BCKDHB: variants seen among roughly 807,000 people sequenced by gnomAD.
BCKDHB encodes the protein branched chain keto acid dehydrogenase E1 subunit beta.
In BCKDHB, 41 loss-of-function variants were observed where a neutral mutation model predicts 48.5. That is an observed-to-expected ratio of 0.85 (90% CI 0.66 to 1.10). BCKDHB has a LOEUF of 1.10. Ranked by LOEUF, BCKDHB falls within the 50% of genes least tolerant of loss-of-function variation. BCKDHB has a pLI of 0.00. For missense variants in BCKDHB, 496 were observed against 494.2 expected (o/e 1.00, Z -0.03); for synonymous variants, 201 against 174.8 (o/e 1.15, Z -1.18).
At chr6:80,175,940 AG>A (rs1390703622) in intron 6 of BCKDHB, among the ~76,000 whole-genome samples, 2 of 152,300 alleles carry the variant, frequency 1.3e-5, no homozygotes, top group East Asian at 3.9e-4. Context: ...GAAATAAAGT[AG>A]GGGGGAACAA....
At chr6:80,245,120 T>C (rs1300326175) in intron 8 of BCKDHB, among the ~76,000 whole-genome samples, 1 of 152,058 alleles carries the variant, frequency 6.6e-6, no homozygotes. Context: ...TTTTAATGTA[T>C]GTAAAGTACT....
intron 8 of BCKDHB, among the ~76,000 whole-genome samples, chr6:80,210,530 C>T (rs1774874680): frequency 6.6e-6 from 1 of 151,974 alleles, no homozygotes; most frequent in Non-Finnish European, 1.5e-5. Context: ...GAAAACTGAG[C>T]CGAACACTCA....
At chr6:80,141,962 T>C (rs913751568) in intron 3 of BCKDHB, among the ~76,000 whole-genome samples, 2 of 152,062 alleles carry the variant, frequency 1.3e-5, no homozygotes, top group African/African-American at 4.8e-5. Flanking sequence ...AACCCAGACA[T>C]TTTTTTCCCT....
At chr6:80,263,288 C>T (rs576394246) in intron 8 of BCKDHB, among the ~76,000 whole-genome samples, 17 of 152,162 alleles carry the variant, frequency 1.1e-4, no homozygotes, top group East Asian at 5.8e-4. Context: ...GAATATGTTA[C>T]GGAAAAATAG....
chr6:80,122,843 G>T lies in BCKDHB; in HGVS notation c.197-4704G>T, dbSNP rs142142855. Among the ~76,000 whole-genome samples the T allele has an allele frequency of 3.3e-5, 5 of 152,202 alleles. No homozygotes were observed. The East Asian group carries it at 9.7e-4, about 29-fold the overall frequency. On this transcript the variant is annotated intron_variant, in intron 1 of 9. Transcript: ENST00000320393. ...AACCAGTCTGACCACAAATTTACCAGCTTGGAGTTTTTCCCCACCCTAATA... is the reference window on the plus strand; with the variant it reads ...AACCAGTCTGACCACAAATTTACCATCTTGGAGTTTTTCCCCACCCTAATA...
At chr6:80,418,002 C>T in the BCKDHB span, among the ~76,000 whole-genome samples, 2 of 152,036 alleles carry the variant, frequency 1.3e-5, no homozygotes, top group Non-Finnish European at 2.9e-5. Context: ...TTACATAATC[C>T]CATATATCTT....
In BCKDHB at chr6:80,273,188, C is replaced by CG. The variant is rs772386574; in HGVS notation, c.1007dup (p.Phe337LeufsTer28). Reference sequence around the variant, plus strand: ...TCAGTCACGAGGCTCCCTTGACAGGCGGCTTTGCATCGGAAATCAGCTCTA... The same window carrying CG: ...TCAGTCACGAGGCTCCCTTGACAGGCGGGCTTTGCATCGGAAATCAGCTCTA... On this transcript the variant is annotated frameshift_variant, in exon 9 of 10. Transcript: ENST00000320393. LOFTEE classifies it high-confidence loss of function. 1 of 1,613,534 alleles carries CG rather than the reference C, an allele frequency of 6.2e-7. No individual in the cohort carries two copies.
chr6:80,442,798 A>G, the BCKDHB span, among the ~76,000 whole-genome samples: 2 of 152,224 alleles, frequency 1.3e-5, no homozygotes, highest in Admixed American at 6.5e-5. Flanking sequence ...CTAAAAGGAT[A>G]TAACTTGCAG....
the BCKDHB span, among the ~76,000 whole-genome samples, chr6:80,391,250 G>A: frequency 6.6e-6 from 1 of 151,858 alleles, no homozygotes; most frequent in South Asian, 2.1e-4. Context: ...GGTGTAGTGG[G>A]TTGAATGGTG....
chr6:80,456,153 T>C, the BCKDHB span, among the ~76,000 whole-genome samples: 1 of 151,368 alleles, frequency 6.6e-6, no homozygotes, highest in Non-Finnish European at 1.5e-5. Flanking sequence ...AGGCGGAGGT[T>C]GCAGTGAGCC....
At chr6:80,404,017 G>A in the BCKDHB span, among the ~76,000 whole-genome samples, 1 of 152,064 alleles carries the variant, frequency 6.6e-6, no homozygotes, top group African/African-American at 2.4e-5. Flanking sequence ...ATGCTCATCA[G>A]GGGTATTGGC....
chr6:80,453,275 AG>A, the BCKDHB span: 1 of 152,202 alleles, frequency 6.6e-6, no homozygotes, highest in South Asian at 2.1e-4. Context: ...AGTTATCCAC[AG>A]GCACTTAAAG....
In BCKDHB at chr6:80,306,567, G is replaced by T. The variant is rs528708561; in HGVS notation, c.1038+33346G>T. ...TAAACATATAAGCCAGCCATTCACAGAAATCAGTTAATTAAAAACCTTTGC... is the reference window on the plus strand; with the variant it reads ...TAAACATATAAGCCAGCCATTCACATAAATCAGTTAATTAAAAACCTTTGC... On this transcript the variant is annotated intron_variant, in intron 9 of 9. Transcript: ENST00000320393. Among the ~76,000 whole-genome samples, 3 of 152,302 alleles carry T rather than the reference G, an allele frequency of 2.0e-5. No homozygotes were observed. In the South Asian group the frequency reaches 6.2e-4, roughly 32 times the overall value.
chr6:80,107,532 T>A (rs574483706), intron 1 of BCKDHB, among the ~76,000 whole-genome samples: 1 of 88,882 alleles, frequency 1.1e-5, no homozygotes, highest in African/African-American at 4.1e-5. Flanking sequence ...TATATATGCA[T>A]ATATATATAT....
At chr6:80,140,529 G>T (rs1771145136) in intron 3 of BCKDHB, among the ~76,000 whole-genome samples, 1 of 152,066 alleles carries the variant, frequency 6.6e-6, no homozygotes, top group African/African-American at 2.4e-5. Flanking sequence ...GTTGAATTTT[G>T]TCAAAGGCCT....
At chr6:80,266,321 T>C (rs954654986) in intron 8 of BCKDHB, among the ~76,000 whole-genome samples, 2 of 152,122 alleles carry the variant, frequency 1.3e-5, no homozygotes, top group Admixed American at 1.3e-4. Flanking sequence ...ACTTCAATCT[T>C]TGAAATATTG....
intron 9 of BCKDHB, among the ~76,000 whole-genome samples, chr6:80,309,817 A>G (rs2127996096): frequency 6.6e-6 from 1 of 152,332 alleles, no homozygotes; most frequent in South Asian, 2.1e-4. Flanking sequence ...TAATAAGCAT[A>G]GTAACTGATA....
At chr6:80,282,183 A>G (rs1766360106) in intron 9 of BCKDHB, among the ~76,000 whole-genome samples, 1 of 152,226 alleles carries the variant, frequency 6.6e-6, no homozygotes, top group African/African-American at 2.4e-5. Context: ...AACTATAGCC[A>G]GCAAACATGA....
chr6:80,175,297 A>G (rs1773099115), intron 6 of BCKDHB, among the ~76,000 whole-genome samples: 1 of 152,150 alleles, frequency 6.6e-6, no homozygotes, highest in African/African-American at 2.4e-5. Context: ...GTCACATCTA[A>G]TCATATGGCC....
Sources: gnomAD v4.1 joint callset for allele counts (sites outside exome capture counted in the v4.1 genomes callset) on GRCh38, gnomAD v4.1.1 for gene constraint, MANE v1.5 for transcripts, NCBI Gene and HGNC (gene_info 2026-07-23, HGNC 2026-07-21) for gene names.